The following XKR6 variants were observed in gnomAD, a reference collection of about 807,000 sequenced individuals.
The protein encoded by XKR6 is XK-related protein 6.
In XKR6, 22 loss-of-function variants were observed where a neutral mutation model predicts 56.7. The observed-to-expected ratio is 0.39, with a 90% CI of 0.28 to 0.55. The LOEUF (loss-of-function observed/expected upper bound fraction) is 0.55, where lower values mean the gene tolerates loss of function less well. XKR6 is among the 20% of genes least tolerant of loss of function. XKR6 has a pLI of 0.66. For synonymous variants in XKR6, 524 were observed against 387.8 expected, an observed-to-expected ratio of 1.35 and a Z score of -4.13; for missense variants, 852 against 889.0, an observed-to-expected ratio of 0.96 and a Z score of 0.53.
chr8:11,182,590 G>A (rs1351658430), intron 1 of XKR6, among the ~76,000 whole-genome samples: 1 of 152,204 alleles, frequency 6.6e-6, no homozygotes, highest in South Asian at 2.1e-4. Flanking sequence ...TGTTTTTTAA[G>A]TTGGGCAACA....
chr8:10,975,971 G>C (rs567367338), intron 1 of XKR6, among the ~76,000 whole-genome samples: 3 of 152,060 alleles, frequency 2.0e-5, no homozygotes, highest in Non-Finnish European at 4.4e-5. Context: ...TCAGGAGATC[G>C]AGACCATACT....
intron 1 of XKR6, among the ~76,000 whole-genome samples, chr8:11,095,966 C>T (rs1408597286): frequency 6.6e-6 from 1 of 152,100 alleles, no homozygotes; most frequent in African/African-American, 2.4e-5. Flanking sequence ...ACATTTTTAA[C>T]CACAAGAGCA....
intron 1 of XKR6, among the ~76,000 whole-genome samples, chr8:11,056,085 G>A (rs548940172): frequency 2.0e-4 from 30 of 152,220 alleles, no homozygotes; most frequent in South Asian, 6.2e-4. Context: ...ATAGGAGGCC[G>A]TGGACGACGT....
intron 1 of XKR6, among the ~76,000 whole-genome samples, chr8:11,174,249 C>A (rs1156984931): frequency 6.6e-6 from 1 of 152,188 alleles, no homozygotes; most frequent in Non-Finnish European, 1.5e-5. Context: ...GATTCCAAAC[C>A]CTTCCTCTCA....
chr8:11,050,907 G>A (rs1213492881), intron 1 of XKR6, among the ~76,000 whole-genome samples: 1 of 152,054 alleles, frequency 6.6e-6, no homozygotes, highest in Non-Finnish European at 1.5e-5. Flanking sequence ...CTCATCCTCA[G>A]AATAACAGCC....
chr8:11,086,148 A>ATATTT (rs71203369), intron 1 of XKR6, among the ~76,000 whole-genome samples: 5,661 of 120,670 alleles, frequency 0.047, 131 homozygotes, highest in South Asian at 0.063. Context: ...ATATATATAT[A>ATATTT]TTTTTTTTTA....
At chr8:10,977,938 GA>G (rs1419256541) in intron 1 of XKR6, among the ~76,000 whole-genome samples, 11 of 152,116 alleles carry the variant, frequency 7.2e-5, no homozygotes, top group Non-Finnish European at 1.0e-4. Flanking sequence ...GATGACTCCA[GA>G]ACGTACCATT....
chr8:11,098,757 A>T (rs1235151143), intron 1 of XKR6, among the ~76,000 whole-genome samples: 1 of 152,196 alleles, frequency 6.6e-6, no homozygotes, highest in Non-Finnish European at 1.5e-5. Context: ...CTTAACTATT[A>T]GTCTATTCAC....
At chr8:10,975,237 AG>A (rs1023944187) in intron 1 of XKR6, among the ~76,000 whole-genome samples, 1 of 152,192 alleles carries the variant, frequency 6.6e-6, no homozygotes, top group African/African-American at 2.4e-5. Context: ...CTGCCCCGGC[AG>A]GGGGAGTGTG....
intron 1 of XKR6, among the ~76,000 whole-genome samples, chr8:11,090,650 C>T (rs1198052673): frequency 6.6e-6 from 1 of 152,112 alleles, no homozygotes. Flanking sequence ...GGTTGAACAT[C>T]TTTTTATATA....
chr8:10,958,346 G>A (rs1182772304), intron 1 of XKR6, among the ~76,000 whole-genome samples: 1 of 152,206 alleles, frequency 6.6e-6, no homozygotes, highest in African/African-American at 2.4e-5. Flanking sequence ...CGGCACTAAT[G>A]CGATTATGGG....
intron 1 of XKR6, among the ~76,000 whole-genome samples, chr8:11,153,141 C>CT (rs1801345276): frequency 6.6e-6 from 1 of 152,134 alleles, no homozygotes; most frequent in Non-Finnish European, 1.5e-5. Context: ...AATGAAGAAA[C>CT]TGAGCCTATA....
intron 1 of XKR6, chr8:11,111,845 T>A (rs1354935126): frequency 6.6e-6 from 1 of 152,038 alleles, no homozygotes; most frequent in East Asian, 1.9e-4. Flanking sequence ...ATATTGAACT[T>A]AGGGATCCAA....
chr8:11,113,872 C>A (rs1799026441), intron 1 of XKR6: 1 of 229,260 alleles, frequency 4.4e-6, no homozygotes, highest in Non-Finnish European at 8.9e-6. Flanking sequence ...TGTTTAATAC[C>A]TTTGGTTTAC....
At position 10,896,558 on chromosome 8, in the gene XKR6, CACA is replaced by C. The variant is rs1271766734; in HGVS notation, c.*1391_*1393del. 6.6e-6 allele frequency: 1 copy of C among 152,636 alleles called. No homozygotes were observed. Among genetic ancestry groups the C allele is most frequent in the Admixed American group, 6.5e-5 (1 of 15,280 alleles). 9.5% of individuals were successfully genotyped at this position (152,636 alleles called of 1,614,324 possible). A position where few individuals can be genotyped will look rare whatever the true frequency, so the allele number is the denominator to read the frequency against. ...TATACGTGTGCTATGGGCACACACA[CACA>C]TACACACACAAACACACACATACTA... On this transcript the variant is annotated 3_prime_UTR_variant, in exon 3 of 3. Transcript: ENST00000416569.
intron 1 of XKR6, among the ~76,000 whole-genome samples, chr8:11,034,015 G>T (rs530274463): frequency 2.0e-5 from 3 of 152,320 alleles, no homozygotes; most frequent in African/African-American, 7.2e-5. Context: ...TGTTGCTCCA[G>T]CATAGCCTGT....
intron 1 of XKR6, among the ~76,000 whole-genome samples, chr8:11,060,291 G>A (rs1296430974): frequency 1.3e-5 from 2 of 152,114 alleles, no homozygotes; most frequent in Non-Finnish European, 2.9e-5. Context: ...CAGCAGCAGG[G>A]CTTTCCCTTC....
rs139408892 is a variant in XKR6 at position 11,069,966 on chromosome 8, C to T, written c.764+130610G>A. On this transcript the variant is annotated intron_variant, in intron 1 of 2. Transcript: ENST00000416569. ...GATTAGTCAATAGAGGCCAGGCTGC[C>T]TCATGACTTCCGCCCTTCTGCAGGC... is the stretch of plus-strand genomic sequence containing the variant. Among the ~76,000 whole-genome samples the T allele has an allele frequency of 1.2e-3, 190 of 152,326 alleles. 1 individual carries two copies. The highest frequency in any genetic ancestry group is 4.5e-3 in the African/African-American group (186 of 41,574).
At chr8:10,956,022 G>T (rs1314163619) in intron 1 of XKR6, among the ~76,000 whole-genome samples, 1 of 152,174 alleles carries the variant, frequency 6.6e-6, no homozygotes, top group East Asian at 1.9e-4. Flanking sequence ...AGGAACCCAG[G>T]TCTTCCCTTT....
Sources: allele counts gnomAD v4.1 joint callset (sites outside exome capture counted in the v4.1 genomes callset), GRCh38; gene constraint gnomAD v4.1.1; transcripts MANE v1.5; gene names NCBI Gene and HGNC (gene_info 2026-07-23, HGNC 2026-07-21).